The following FOXN3 variants were observed in gnomAD, a reference collection of about 807,000 sequenced individuals.
FOXN3 encodes the protein forkhead box N3.
FOXN3 carries 7 observed loss-of-function variants against 38.4 expected under a neutral mutation model. That is an observed-to-expected ratio of 0.18 (90% CI 0.10 to 0.34). FOXN3 has a LOEUF of 0.34. FOXN3 is among the 10% of genes least tolerant of loss of function. The pLI, the probability that FOXN3 is intolerant of heterozygous loss-of-function variation, is 1.00. For missense variants in FOXN3, 456 were observed against 613.4 expected (o/e 0.74, Z 2.71); for synonymous variants, 230 against 242.2 (o/e 0.95, Z 0.47).
At chr14:89,457,588 C>G (rs948867670) in intron 1 of FOXN3, among the ~76,000 whole-genome samples, 1 of 152,324 alleles carries the variant, frequency 6.6e-6, no homozygotes, top group Non-Finnish European at 1.5e-5. Context: ...ATTTCTCCTG[C>G]TTTGTGAAAA....
chr14:89,541,323 A>G (rs536216319), intron 1 of FOXN3, among the ~76,000 whole-genome samples: 3 of 152,296 alleles, frequency 2.0e-5, no homozygotes, highest in African/African-American at 7.2e-5. Context: ...TCTAAGTCAC[A>G]GGATGAGACA....
intron 1 of FOXN3, among the ~76,000 whole-genome samples, chr14:89,491,741 A>ACCTT (rs1893580857): frequency 6.6e-6 from 1 of 152,168 alleles, no homozygotes; most frequent in African/African-American, 2.4e-5. Context: ...ATCCGTCTGT[A>ACCTT]CCTTCATGCT....
At chr14:89,579,964 C>T (rs938372355) in intron 1 of FOXN3, among the ~76,000 whole-genome samples, 1 of 150,990 alleles carries the variant, frequency 6.6e-6, no homozygotes, top group Non-Finnish European at 1.5e-5. Flanking sequence ...ACAATTTTCT[C>T]TAACTTTATG....
At chr14:89,360,596 GGGAGGGAA>G (rs200016963) in intron 2 of FOXN3, among the ~76,000 whole-genome samples, 3,941 of 151,016 alleles carry the variant, frequency 0.026, 138 homozygotes, top group African/African-American at 0.086. Flanking sequence ...AAGGGAGAGA[GGGAGGGAA>G]GGAGGGAAGG....
intron 4 of FOXN3, among the ~76,000 whole-genome samples, chr14:89,186,680 C>A (rs893703101): frequency 6.6e-6 from 1 of 152,166 alleles, no homozygotes; most frequent in Non-Finnish European, 1.5e-5. Flanking sequence ...GCTCTCCTTG[C>A]AGAATGTTTC....
chr14:89,611,667 A>G (rs377161943), intron 1 of FOXN3, among the ~76,000 whole-genome samples: 128 of 152,242 alleles, frequency 8.4e-4, no homozygotes, highest in African/African-American at 1.1e-3. Context: ...TTAGCCGGGC[A>G]TGGCAGCGGG....
At chr14:89,357,008 G>A (rs931951012) in intron 2 of FOXN3, among the ~76,000 whole-genome samples, 1 of 152,176 alleles carries the variant, frequency 6.6e-6, no homozygotes, top group Non-Finnish European at 1.5e-5. Flanking sequence ...ATGACCATGG[G>A]TGTTGGTTCA....
chr14:89,261,996 C>A (rs1442264596), intron 4 of FOXN3, among the ~76,000 whole-genome samples: 1 of 151,746 alleles, frequency 6.6e-6, no homozygotes, highest in Middle Eastern at 3.2e-3. Context: ...CCCAGCTACT[C>A]GGAAGGCTGA....
At chr14:89,333,557 C>T (rs889916505) in intron 3 of FOXN3, among the ~76,000 whole-genome samples, 1 of 151,784 alleles carries the variant, frequency 6.6e-6, no homozygotes, top group Admixed American at 6.6e-5. Flanking sequence ...GTCAGAAGCT[C>T]GAGACCAGCC....
chr14:89,226,225 TAGAG>T (rs1288204809), intron 4 of FOXN3, among the ~76,000 whole-genome samples: 1 of 132,938 alleles, frequency 7.5e-6, no homozygotes, highest in African/African-American at 2.9e-5. Context: ...GAGGGAGAGG[TAGAG>T]AGAGAGAAAG....
chr14:89,266,109 G>T (rs1885971473), intron 4 of FOXN3, among the ~76,000 whole-genome samples: 1 of 152,190 alleles, frequency 6.6e-6, no homozygotes, highest in Admixed American at 6.5e-5. Context: ...AGGACAGTTG[G>T]TAAATATATT....
At chr14:89,205,607 G>T (rs1265886777) in intron 4 of FOXN3, among the ~76,000 whole-genome samples, 1 of 152,224 alleles carries the variant, frequency 6.6e-6, no homozygotes, top group African/African-American at 2.4e-5. Flanking sequence ...AATTTGGCTG[G>T]AGGTGGTTGG....
intron 1 of FOXN3, among the ~76,000 whole-genome samples, chr14:89,583,191 T>G (rs1483758344): frequency 6.6e-6 from 1 of 152,250 alleles, no homozygotes; most frequent in African/African-American, 2.4e-5. Context: ...TTTAAGAAAT[T>G]GCTTAACTGT....
At chr14:89,471,694 T>C (rs1893098200) in intron 1 of FOXN3, among the ~76,000 whole-genome samples, 1 of 152,212 alleles carries the variant, frequency 6.6e-6, no homozygotes, top group Non-Finnish European at 1.5e-5. Context: ...CATTTATAAA[T>C]GCTTCAGCTC....
At chr14:89,373,046 G>A (rs1202496870) in intron 2 of FOXN3, among the ~76,000 whole-genome samples, 1 of 151,942 alleles carries the variant, frequency 6.6e-6, no homozygotes, top group African/African-American at 2.4e-5. Flanking sequence ...CAGGCCTGTG[G>A]TCCCAGCTAC....
chr14:89,467,528 T>C (rs1051700143), intron 1 of FOXN3, among the ~76,000 whole-genome samples: 12 of 151,990 alleles, frequency 7.9e-5, no homozygotes, highest in Non-Finnish European at 1.8e-4. Context: ...AATGTAAATT[T>C]TTTTTAAGTG....
chr14:89,475,956 G>C (rs57128433), intron 1 of FOXN3, among the ~76,000 whole-genome samples: 1 of 152,120 alleles, frequency 6.6e-6, no homozygotes, highest in Non-Finnish European at 1.5e-5. Flanking sequence ...TGGACCTTTC[G>C]GTAGCTGCTA....
chr14:89,478,572 A>C (rs1029687537), intron 1 of FOXN3, among the ~76,000 whole-genome samples: 5 of 152,188 alleles, frequency 3.3e-5, no homozygotes, highest in African/African-American at 1.2e-4. Context: ...CCATAATAGT[A>C]ATTTTAAGAG....
chr14:89,296,430 T>C (rs958846222), intron 3 of FOXN3, among the ~76,000 whole-genome samples: 2 of 152,248 alleles, frequency 1.3e-5, no homozygotes, highest in Non-Finnish European at 2.9e-5. Context: ...TGGAGCACAC[T>C]GGTTCTCCAC....
Sources: allele counts gnomAD v4.1 joint callset (sites outside exome capture counted in the v4.1 genomes callset), GRCh38; gene constraint gnomAD v4.1.1; transcripts MANE v1.5; gene names NCBI Gene and HGNC (gene_info 2026-07-23, HGNC 2026-07-21).